Variants in PHLPP1 observed in about 807,000 individuals in gnomAD.
PHLPP1 encodes PH domain and leucine rich repeat protein phosphatase 1, also known as PH domain leucine-rich repeat-containing protein phosphatase 1.
In PHLPP1, 42 loss-of-function variants were observed where a neutral mutation model predicts 117.2. That is an observed-to-expected ratio of 0.36 (90% CI 0.28 to 0.46). PHLPP1 has a LOEUF of 0.46. Ranked by LOEUF, PHLPP1 falls within the 20% of genes least tolerant of loss-of-function variation. The pLI is 1.00. For missense variants in PHLPP1, 2,084 were observed against 2,241.9 expected, an observed-to-expected ratio of 0.93 and a Z score of 1.42; for synonymous variants, 1,042 against 970.7, an observed-to-expected ratio of 1.07 and a Z score of -1.37.
chr18:62,811,831 A>T (rs182283961), intron 1 of PHLPP1, among the ~76,000 whole-genome samples: 10 of 152,292 alleles, frequency 6.6e-5, no homozygotes, highest in Non-Finnish European at 1.2e-4. Flanking sequence ...TAGCTTCTTA[A>T]GGTCAGTTTT....
chr18:62,898,510 T>C (rs1568154650), intron 6 of PHLPP1, among the ~76,000 whole-genome samples: 1 of 152,132 alleles, frequency 6.6e-6, no homozygotes, highest in East Asian at 1.9e-4. Context: ...GCTCAGAGCC[T>C]GCGGTTCTCT....
chr18:62,716,371 G>T lies in PHLPP1; in HGVS notation c.688G>T (p.Val230Leu). Residue 230 changes from valine to leucine, a missense_variant, in exon 1 of 17, where the codon GTG becomes TTG. Val to Leu is a conservative substitution (Grantham distance 32, BLOSUM62 1). Around this residue, in one of 2 missense-constraint regions of PHLPP1, gnomAD observed 719 missense variants for 636.0 expected, o/e 1.13. Coordinates refer to ENST00000262719, the MANE Select transcript of PHLPP1 (RefSeq NM_194449.4). The surrounding 1 kb of genome is among the most constrained non-coding windows in gnomAD (Gnocchi z 5.7). ...LCTLDTTAGE[V>L]AARLLQLGHK... ...CACACTGGACACCACGGCCGGCGAG[G>T]TGGCCGCCCGCCTGCTGCAGCTGGG... The T allele has an allele frequency of 6.8e-7, 1 of 1,475,216 alleles. No homozygotes were observed. The highest frequency in any genetic ancestry group is 1.3e-5 in the South Asian group (1 of 76,056). 91.4% of individuals were successfully genotyped at this position (1,475,216 alleles called of 1,614,324 possible).
chr18:62,730,352 C>G (rs185396370), intron 1 of PHLPP1, among the ~76,000 whole-genome samples: 1 of 152,252 alleles, frequency 6.6e-6, no homozygotes, highest in East Asian at 1.9e-4. Context: ...TTCTTACACA[C>G]CATCCCTCCA....
rs1315948982 is a variant in PHLPP1 at position 62,716,819 on chromosome 18, T to C, written c.1136T>C (p.Leu379Pro). 13 of 1,525,268 alleles carry C rather than the reference T, an allele frequency of 8.5e-6. No individual in the cohort carries two copies. Among genetic ancestry groups the C allele is most frequent in the African/African-American group, 1.4e-5 (1 of 70,270 alleles). The allele number at this position is 1,525,268 out of a possible 1,614,324, so 94.5% of individuals were successfully genotyped here. A position where few individuals can be genotyped will look rare whatever the true frequency, so the allele number is the denominator to read the frequency against. Residue 379 changes from leucine to proline, a missense_variant, in exon 1 of 17, where the codon CTC (leucine) becomes CCC (proline). Coordinates refer to ENST00000262719, the MANE Select transcript of PHLPP1 (RefSeq NM_194449.4). The surrounding 1 kb of genome is among the most constrained non-coding windows in gnomAD (Gnocchi z 5.7). Reference protein sequence around the residue: ...GGGSSSSSEELEADAASAPTG... With the variant: ...GGGSSSSSEEPEADAASAPTG... ...GGCTCCTCGTCGTCGTCGGAAGAGC[T>C]CGAGGCCGACGCAGCCTCGGCCCCG...
In PHLPP1 at chr18:62,717,072, T is replaced by TG; in HGVS notation, c.1389_1390insG (p.Pro464AlafsTer32). The TG allele has an allele frequency of 7.6e-7, 1 of 1,323,328 alleles. No individual in the cohort carries two copies. The highest frequency in any genetic ancestry group is 1.1e-6 in the Non-Finnish European group (1 of 951,250). The allele number at this position is 1,323,328 out of a possible 1,614,324, so 82.0% of individuals were successfully genotyped here. On this transcript the variant is annotated frameshift_variant, in exon 1 of 17. Transcript: ENST00000262719. LOFTEE classifies it high-confidence loss of function. ...GCGGGGTGACCGCGGAGAAGGCGCC[T>TG]CCGCCGCCCCCGCCGCCCACCCTGT...
intron 2 of PHLPP1, among the ~76,000 whole-genome samples, chr18:62,835,076 G>T (rs951592841): frequency 6.6e-6 from 1 of 151,886 alleles, no homozygotes; most frequent in Non-Finnish European, 1.5e-5. Flanking sequence ...TTTGTTTACT[G>T]TATAGTTAAT....
chr18:62,860,500 C>T lies in PHLPP1; in HGVS notation c.1965C>T (p.Asn655=), dbSNP rs1915606134. 2 of 1,613,888 alleles carry T rather than the reference C, an allele frequency of 1.2e-6. No homozygotes were observed. Among genetic ancestry groups the T allele is most frequent in the Admixed American group, 1.7e-5 (1 of 60,008 alleles). ...SCCSLEHLPA[N]LFYSQDLTHL... ...GTAGCCTGGAACATCTGCCTGCCAA[C>T]CTCTTCTACAGCCAAGACCTCACTC... Residue 655 remains asparagine (N), a synonymous_variant, in exon 4 of 17, where the codon AAC becomes AAT. Coordinates refer to ENST00000262719, the MANE Select transcript of PHLPP1 (RefSeq NM_194449.4).
At chr18:62,829,785 A>G (rs1599070072) in intron 1 of PHLPP1, among the ~76,000 whole-genome samples, 1 of 152,242 alleles carries the variant, frequency 6.6e-6, no homozygotes, top group African/African-American at 2.4e-5. Flanking sequence ...AGTTAAAACA[A>G]AGAGTTAAAA....
intron 3 of PHLPP1, among the ~76,000 whole-genome samples, chr18:62,850,313 G>A (rs576237211): frequency 3.4e-5 from 5 of 148,298 alleles, no homozygotes; most frequent in South Asian, 4.4e-4. Context: ...GCTTGAACTC[G>A]GAAGGTGGAG....
At chr18:62,766,076 AATATATATATATAT>A (rs60058262) in intron 1 of PHLPP1, among the ~76,000 whole-genome samples, 3 of 21,664 alleles carry the variant, frequency 1.4e-4, no homozygotes, top group East Asian at 3.3e-3. Flanking sequence ...AAAAAAAAAA[AATATATATATATAT>A]ATATATATAT....
chr18:62,844,666 A>T (rs927566126), intron 3 of PHLPP1, among the ~76,000 whole-genome samples: 2 of 152,272 alleles, frequency 1.3e-5, no homozygotes, highest in East Asian at 3.9e-4. Context: ...TCTTCTTACA[A>T]TTACTCTTTT....
chr18:62,832,876 G>T (rs1364747576), intron 2 of PHLPP1, among the ~76,000 whole-genome samples: 1 of 151,950 alleles, frequency 6.6e-6, no homozygotes, highest in Non-Finnish European at 1.5e-5. Flanking sequence ...AGATAGATTG[G>T]TCATAACCTA....
chr18:62,793,337 A>G (rs1251727186), intron 1 of PHLPP1, among the ~76,000 whole-genome samples: 1 of 152,214 alleles, frequency 6.6e-6, no homozygotes. Flanking sequence ...TAATGAATCA[A>G]TCTTCAAAGC....
intron 1 of PHLPP1, among the ~76,000 whole-genome samples, chr18:62,776,008 A>G (rs553659256): frequency 6.6e-6 from 1 of 152,262 alleles, no homozygotes; most frequent in South Asian, 2.1e-4. Context: ...AAGAGAACCA[A>G]TAAGATAGCC....
chr18:62,753,542 C>A, intron 1 of PHLPP1, among the ~76,000 whole-genome samples: 1 of 152,192 alleles, frequency 6.6e-6, no homozygotes. Context: ...TGTTCACTGC[C>A]TTCCTAAAAA....
In PHLPP1 at chr18:62,853,842, T is replaced by C. The variant is rs180869588; in HGVS notation, c.1900-6593T>C. ...TTACATCGTAGTCTTTTTTGTTTTATAGACTTTTATTGCTTGGAGTGGTAG... is the reference window on the plus strand; with the variant it reads ...TTACATCGTAGTCTTTTTTGTTTTACAGACTTTTATTGCTTGGAGTGGTAG... On this transcript the variant is annotated intron_variant, in intron 3 of 16. Transcript: ENST00000262719. Among the ~76,000 whole-genome samples the C allele has an allele frequency of 1.5e-3, 234 of 152,352 alleles. 1 individual carries two copies. The highest frequency in any genetic ancestry group is 5.4e-3 in the African/African-American group (226 of 41,598).
intron 12 of PHLPP1, among the ~76,000 whole-genome samples, chr18:62,954,464 C>G (rs1214529853): frequency 6.6e-6 from 1 of 152,172 alleles, no homozygotes; most frequent in Non-Finnish European, 1.5e-5. Context: ...CATTATGATT[C>G]AGCCAACAAG....
chr18:62,840,578 G>A (rs1191033387), intron 3 of PHLPP1, among the ~76,000 whole-genome samples: 1 of 152,126 alleles, frequency 6.6e-6, no homozygotes, highest in Admixed American at 6.5e-5. Context: ...GTGGTTTTAT[G>A]GGTTGAAAGC....
intron 1 of PHLPP1, among the ~76,000 whole-genome samples, chr18:62,828,311 A>G (rs1268371586): frequency 6.6e-6 from 1 of 152,194 alleles, no homozygotes; most frequent in East Asian, 1.9e-4. Context: ...TGTCTGATCC[A>G]TCATTGGCAG....
Sources: gnomAD v4.1 joint callset for allele counts (sites outside exome capture counted in the v4.1 genomes callset) on GRCh38, gnomAD v4.1.1 for gene constraint, gnomAD v4.1.1 regional missense constraint, Gnocchi (gnomAD v3.1) non-coding constraint, MANE v1.5 for transcripts, NCBI Gene and HGNC (gene_info 2026-07-23, HGNC 2026-07-21) for gene names.